The following RXRA variants were observed in gnomAD, a reference collection of about 807,000 sequenced individuals.
RXRA encodes retinoic acid receptor RXR-alpha.
RXRA carries 5 observed loss-of-function variants against 44.5 expected under a neutral mutation model. That is an observed-to-expected ratio of 0.11 (90% CI 0.06 to 0.24). The LOEUF (loss-of-function observed/expected upper bound fraction) is 0.24. Ranked by LOEUF, RXRA falls within the 10% of genes least tolerant of loss-of-function variation. The probability of loss-of-function intolerance (pLI) is 1.00; values close to 1 mark genes in which losing one functional copy is unlikely to be tolerated. For missense variants in RXRA, 412 were observed against 646.5 expected (o/e 0.64, Z 3.93); for synonymous variants, 291 against 271.4 (o/e 1.07, Z -0.71).
rs1001965074 is a variant in RXRA at position 134,437,882 on chromosome 9, CCTTA to C, written c.*1272_*1275del. 1 of 152,162 alleles carries C rather than the reference CCTTA, an allele frequency of 6.6e-6. No individual in the cohort carries two copies. Among genetic ancestry groups the C allele is most frequent in the Non-Finnish European group, 1.5e-5 (1 of 68,084 alleles). 9.4% of individuals were successfully genotyped at this position (152,162 alleles called of 1,614,324 possible). On this transcript the variant is annotated 3_prime_UTR_variant, in exon 10 of 10. Coordinates refer to ENST00000481739, the MANE Select transcript of RXRA (RefSeq NM_002957.6). ...CACGGACAGCGTTGTTCACCCAGAG[CCTTA>C]CTTGGGAGCCTCACTGAACGCCTGC...
intron 3 of RXRA, among the ~76,000 whole-genome samples, 200 bp from the exon 4 acceptor site, chr9:134,408,740 C>T (rs550757469): frequency 6.6e-6 from 1 of 152,298 alleles, no homozygotes; most frequent in East Asian, 1.9e-4. Flanking sequence ...GGATTTGTCC[C>T]TGCCCCACTC....
chr9:134,426,198 T>G lies in RXRA; in HGVS notation c.911-2910T>G, dbSNP rs1831431983. On this transcript the variant is annotated intron_variant, in intron 6 of 9. Coordinates refer to ENST00000481739, the MANE Select transcript of RXRA (RefSeq NM_002957.6). The surrounding 1 kb of genome is among the most constrained non-coding windows in gnomAD (Gnocchi z 4.6). ...GCCTGGAGTAAGACCTGGTATCCTCTGCATCACTGAGGTCCTCCTTCTGAA... is the reference window on the plus strand; with the variant it reads ...GCCTGGAGTAAGACCTGGTATCCTCGGCATCACTGAGGTCCTCCTTCTGAA... 2.0e-6 allele frequency: 2 copies of G among 985,426 alleles called. No homozygotes were observed. The highest frequency in any genetic ancestry group is 5.2e-4 in the Middle Eastern group (1 of 1,914). 61.0% of individuals were successfully genotyped at this position (985,426 alleles called of 1,614,324 possible).
At chr9:134,347,665 G>A (rs1391032512) in intron 1 of RXRA, among the ~76,000 whole-genome samples, 2 of 152,250 alleles carry the variant, frequency 1.3e-5, no homozygotes, top group Non-Finnish European at 2.9e-5. Flanking sequence ...CTGCGGGTGG[G>A]CTTGTGCATG....
intron 7 of RXRA, among the ~76,000 whole-genome samples, chr9:134,430,191 GCA>G (rs1332449113): frequency 1.3e-5 from 2 of 152,216 alleles, no homozygotes; most frequent in African/African-American, 4.8e-5. Context: ...CGGCCTCTCT[GCA>G]CAGTCTTTCT....
intron 1 of RXRA, among the ~76,000 whole-genome samples, chr9:134,381,109 C>T (rs1194172569): frequency 6.6e-6 from 1 of 152,214 alleles, no homozygotes; most frequent in African/African-American, 2.4e-5. Flanking sequence ...CTGTCAGAGC[C>T]TGCGGTGGGC....
At chr9:134,327,880 C>T (rs1359874463) in intron 1 of RXRA, among the ~76,000 whole-genome samples, 1 of 152,186 alleles carries the variant, frequency 6.6e-6, no homozygotes, top group Non-Finnish European at 1.5e-5. Context: ...CGCTTACTCC[C>T]TGCCTCTGTC....
At chr9:134,427,236 C>A (rs1007796154) in intron 6 of RXRA, 6 of 922,874 alleles carry the variant, frequency 6.5e-6, no homozygotes, top group Non-Finnish European at 7.8e-6. Flanking sequence ...AAGCTGTTTT[C>A]GCGGCTGGCT....
At chr9:134,432,930 A>G (rs1293605571) in intron 8 of RXRA, among the ~76,000 whole-genome samples, 5 of 151,072 alleles carry the variant, frequency 3.3e-5, no homozygotes, top group Non-Finnish European at 5.9e-5. Context: ...GCCGGGAGGG[A>G]GCTATGGGTT....
chr9:134,416,473 G>A (rs1026455461), intron 4 of RXRA, among the ~76,000 whole-genome samples: 10 of 152,196 alleles, frequency 6.6e-5, no homozygotes, highest in Admixed American at 2.0e-4. Flanking sequence ...AAGGCATCTC[G>A]GTGCCCTGCA....
chr9:134,360,320 G>A (rs1830334445), intron 1 of RXRA, among the ~76,000 whole-genome samples: 2 of 152,212 alleles, frequency 1.3e-5, no homozygotes, highest in Admixed American at 1.3e-4. Flanking sequence ...GAGCGAGCAG[G>A]AAGCGCTGGT....
intron 1 of RXRA, among the ~76,000 whole-genome samples, chr9:134,330,941 G>C (rs1037798115): frequency 6.6e-6 from 1 of 152,214 alleles, no homozygotes; most frequent in Non-Finnish European, 1.5e-5. Context: ...CCTGTGGCTA[G>C]GTCCTCTCTG....
chr9:134,375,937 T>A lies in RXRA; in HGVS notation c.29-25695T>A, dbSNP rs28970773. ...AGAGAAAACAAGCTGCCGGCCGCCC[T>A]CCCTCCCTCCCTCCCTCTCTCTCTC... On this transcript the variant is annotated intron_variant, in intron 1 of 9. Coordinates refer to ENST00000481739, the MANE Select transcript of RXRA (RefSeq NM_002957.6). Among the ~76,000 whole-genome samples, 9 of 92,500 alleles carry A rather than the reference T, an allele frequency of 9.7e-5. 1 individual carries two copies. The highest frequency in any genetic ancestry group is 2.5e-4 in the African/African-American group (7 of 27,640). The allele number at this position is 92,500 out of a possible 152,430, so 60.7% of individuals were successfully genotyped here.
At chr9:134,412,594 A>G (rs1283855294) in intron 4 of RXRA, among the ~76,000 whole-genome samples, 1 of 151,914 alleles carries the variant, frequency 6.6e-6, no homozygotes, top group Non-Finnish European at 1.5e-5. Flanking sequence ...ACCAGGAGGG[A>G]CTCGTTCCGC....
rs775570985 is a variant in RXRA at position 134,440,284 on chromosome 9, C to G, written c.*3670C>G. On this transcript the variant is annotated 3_prime_UTR_variant, in exon 10 of 10. Coordinates refer to ENST00000481739, the MANE Select transcript of RXRA (RefSeq NM_002957.6). ...ACGGCGGCGAGGCTTGGGAGGAAACCGCCGCAATGGGGGTGTCTTCCCTCG... is the reference window on the plus strand; with the variant it reads ...ACGGCGGCGAGGCTTGGGAGGAAACGGCCGCAATGGGGGTGTCTTCCCTCG... 3.3e-5 allele frequency: 5 copies of G among 152,056 alleles called. No individual in the cohort carries two copies. Among genetic ancestry groups the G allele is most frequent in the Non-Finnish European group, 7.4e-5 (5 of 67,978 alleles). The allele number at this position is 152,056 out of a possible 1,614,324, so 9.4% of individuals were successfully genotyped here.
chr9:134,389,914 G>T (rs964004076), intron 1 of RXRA, among the ~76,000 whole-genome samples: 1 of 152,214 alleles, frequency 6.6e-6, no homozygotes, highest in African/African-American at 2.4e-5. Context: ...GCACCGAGGA[G>T]CAGAGAAGCT....
chr9:134,390,817 T>A (rs1340143097), intron 1 of RXRA, among the ~76,000 whole-genome samples: 3 of 152,182 alleles, frequency 2.0e-5, no homozygotes, highest in African/African-American at 7.2e-5. Flanking sequence ...GTCAGGCCCC[T>A]GCACATGACA....
chr9:134,378,419 C>T (rs917703838), intron 1 of RXRA, among the ~76,000 whole-genome samples: 1 of 152,214 alleles, frequency 6.6e-6, no homozygotes, highest in African/African-American at 2.4e-5. Context: ...GGGCTGTGGC[C>T]ATCTGCCTCC....
rs1455898604 is a variant in RXRA at position 134,349,529 on chromosome 9, C to A, written c.28+22870C>A. Among the ~76,000 whole-genome samples the A allele has an allele frequency of 6.6e-6, 1 of 152,092 alleles. No individual in the cohort carries two copies. ...GGTGGCTCGGCCCTGAAGCTCGTGG[C>A]GGGCAGGAGTGTGCACGGACAGGGA... On this transcript the variant is annotated intron_variant, in intron 1 of 9. Transcript: ENST00000481739. The surrounding 1 kb of genome is among the most constrained non-coding windows in gnomAD (Gnocchi z 4.3).
chr9:134,380,650 C>T (rs1830630014), intron 1 of RXRA, among the ~76,000 whole-genome samples: 2 of 152,058 alleles, frequency 1.3e-5, no homozygotes, highest in Non-Finnish European at 2.9e-5. Context: ...AGGCCTTGGC[C>T]CTCCTATTGC....
Sources: allele counts gnomAD v4.1 joint callset (sites outside exome capture counted in the v4.1 genomes callset), GRCh38; gene constraint gnomAD v4.1.1; non-coding constraint Gnocchi (gnomAD v3.1); transcripts MANE v1.5; gene names NCBI Gene and HGNC (gene_info 2026-07-23, HGNC 2026-07-21).